The following MYLK variants were observed in gnomAD, a reference collection of about 807,000 sequenced individuals.
MYLK encodes the protein myosin light chain kinase.
A neutral mutation model predicts 203.4 loss-of-function variants in MYLK; 106 were observed. That is an observed-to-expected ratio of 0.52 (90% CI 0.45 to 0.61). The LOEUF is 0.61. MYLK is among the 20% of genes least tolerant of loss of function. The pLI, the probability that MYLK is intolerant of heterozygous loss-of-function variation, is 0.00. For synonymous variants in MYLK, 867 were observed against 959.5 expected (o/e 0.90, Z 1.78); for missense variants, 2,072 against 2,442.3 (o/e 0.85, Z 3.20).
At chr3:123,785,696 A>G (rs2064484260) in intron 4 of MYLK, among the ~76,000 whole-genome samples, 1 of 152,256 alleles carries the variant, frequency 6.6e-6, no homozygotes, top group South Asian at 2.1e-4. Flanking sequence ...GAAGGCTCTC[A>G]ATCAGCCCTG....
At chr3:123,654,722 T>TC (rs1240348309) in intron 24 of MYLK, among the ~76,000 whole-genome samples, 1 of 147,454 alleles carries the variant, frequency 6.8e-6, no homozygotes, top group Non-Finnish European at 1.5e-5. Context: ...TCTTTTTTTT[T>TC]TTTTTTTTTT....
intron 3 of MYLK, among the ~76,000 whole-genome samples, chr3:123,794,915 T>G (rs2064931384): frequency 6.6e-6 from 1 of 152,166 alleles, no homozygotes; most frequent in Non-Finnish European, 1.5e-5. Context: ...ATGAAGTATG[T>G]ATAGTCATCA....
At chr3:123,822,350 G>A (rs58175187) in intron 3 of MYLK, among the ~76,000 whole-genome samples, 2,952 of 152,248 alleles carry the variant, frequency 0.019, 86 homozygotes, top group African/African-American at 0.067. Flanking sequence ...CTGGTCAAGA[G>A]AAGAGGCCAC....
At chr3:123,614,888 C>T (rs1481676896) in intron 33 of MYLK, among the ~76,000 whole-genome samples, 1 of 151,734 alleles carries the variant, frequency 6.6e-6, no homozygotes, top group African/African-American at 2.4e-5. Flanking sequence ...CTCACTGCAG[C>T]CTCAACTTCC....
At chr3:123,809,805 C>T (rs1203940977) in intron 3 of MYLK, among the ~76,000 whole-genome samples, 1 of 152,186 alleles carries the variant, frequency 6.6e-6, no homozygotes, top group Non-Finnish European at 1.5e-5. Flanking sequence ...ATAGGACGTA[C>T]ACGCAGTAGC....
chr3:123,713,854 G>C (rs1354856953), intron 13 of MYLK, among the ~76,000 whole-genome samples: 1 of 152,164 alleles, frequency 6.6e-6, no homozygotes, highest in African/African-American at 2.4e-5. Context: ...ATACTGAGAA[G>C]TATGATGTCT....
Position 123,671,802 on chromosome 3 carries a change from C to T in MYLK, c.3653-4615G>A, listed in dbSNP as rs72626350. On this transcript the variant is annotated intron_variant, in intron 20 of 33. Transcript: ENST00000360304. ...CCCAAAGACACTAGAGGGAAGAGCA[C>T]GGGGAGCCAAATCCTTTGGTGGGGG... 0.033 allele frequency among the ~76,000 whole-genome samples: 5,033 copies of T among 151,904 alleles called. 390 individuals are homozygous for T. In the East Asian group the frequency reaches 0.35, roughly 10 times the overall value.
At chr3:123,751,523 A>T (rs2063192655) in intron 5 of MYLK, among the ~76,000 whole-genome samples, 1 of 152,240 alleles carries the variant, frequency 6.6e-6, no homozygotes, top group Non-Finnish European at 1.5e-5. Context: ...ATTTTTAATA[A>T]TGAGCATGTA....
intron 4 of MYLK, among the ~76,000 whole-genome samples, chr3:123,766,428 C>T (rs1187621849): frequency 2.0e-5 from 3 of 152,176 alleles, no homozygotes; most frequent in East Asian, 3.8e-4. Flanking sequence ...CATGGGAGCA[C>T]GGAGGAGGGT....
chr3:123,665,022 A>C (rs188062597), intron 22 of MYLK, among the ~76,000 whole-genome samples: 6 of 152,320 alleles, frequency 3.9e-5, no homozygotes, highest in Admixed American at 3.9e-4. Flanking sequence ...GGATGATGAA[A>C]GTATTCTAGA....
intron 24 of MYLK, among the ~76,000 whole-genome samples, chr3:123,652,553 G>GA (rs2059250941): frequency 1.3e-5 from 2 of 152,226 alleles, no homozygotes; most frequent in Non-Finnish European, 2.9e-5. Flanking sequence ...CCGCCCCGGA[G>GA]ACGGCCTCTG....
chr3:123,686,424 C>A (rs186323399), intron 19 of MYLK, among the ~76,000 whole-genome samples: 46 of 151,566 alleles, frequency 3.0e-4, no homozygotes, highest in African/African-American at 1.1e-3. Context: ...TCTGACCCCA[C>A]GCAGGGGGCA....
chr3:123,799,086 A>G (rs1039850043), intron 3 of MYLK, among the ~76,000 whole-genome samples: 115 of 152,270 alleles, frequency 7.6e-4, no homozygotes, highest in African/African-American at 2.6e-3. Flanking sequence ...CTAAACACAG[A>G]TCAAAGGGGA....
At chr3:123,855,274 C>T (rs1013144333) in intron 2 of MYLK, among the ~76,000 whole-genome samples, 8 of 152,102 alleles carry the variant, frequency 5.3e-5, no homozygotes, top group African/African-American at 1.9e-4. Context: ...ACCGTTCTTT[C>T]ATGTTTTTGA....
chr3:123,765,654 T>C (rs952097073), intron 4 of MYLK, among the ~76,000 whole-genome samples: 7 of 152,018 alleles, frequency 4.6e-5, no homozygotes, highest in Admixed American at 3.9e-4. Context: ...AACAGATAAA[T>C]GGACAAGCAA....
chr3:123,793,419 A>C (rs1002831595), intron 4 of MYLK, among the ~76,000 whole-genome samples: 1 of 152,194 alleles, frequency 6.6e-6, no homozygotes, highest in Non-Finnish European at 1.5e-5. Flanking sequence ...TGTACCCAGA[A>C]CACAACCTAC....
chr3:123,788,948 T>C (rs893713937), intron 4 of MYLK, among the ~76,000 whole-genome samples: 2 of 152,214 alleles, frequency 1.3e-5, no homozygotes, highest in Admixed American at 1.3e-4. Flanking sequence ...GTTTGCTTTT[T>C]TTTTCTGATA....
At position 123,613,865 on chromosome 3, in the gene MYLK, T is replaced by C. The variant is rs1370563611; in HGVS notation, c.*240A>G. On this transcript the variant is annotated 3_prime_UTR_variant, in exon 34 of 34. Coordinates refer to ENST00000360304, the MANE Select transcript of MYLK (RefSeq NM_053025.4). The stretch of plus-strand genomic sequence containing the variant: ...AATTGGTCAGTCAAGTTACTGGTGA[T>C]TTCCCTAAATGAAATCTAGCTGCAC... The C allele has an allele frequency of 1.1e-5, 6 of 539,360 alleles. No homozygotes were observed. Among genetic ancestry groups the C allele is most frequent in the Non-Finnish European group, 1.7e-5 (5 of 300,776 alleles). 33.4% of individuals were successfully genotyped at this position (539,360 alleles called of 1,614,324 possible).
intron 1 of MYLK, among the ~76,000 whole-genome samples, chr3:123,883,443 T>TA (rs201359599): frequency 7.2e-5 from 11 of 152,068 alleles, no homozygotes; most frequent in South Asian, 2.1e-4. Context: ...CACCCCAATC[T>TA]AAAAAAAATA....
Sources: gnomAD v4.1 joint callset for allele counts (sites outside exome capture counted in the v4.1 genomes callset) on GRCh38, gnomAD v4.1.1 for gene constraint, MANE v1.5 for transcripts, NCBI Gene and HGNC (gene_info 2026-07-23, HGNC 2026-07-21) for gene names.